Variants in TXK observed in about 807,000 individuals in gnomAD.
TXK encodes the protein tyrosine-protein kinase TXK.
In TXK, 60 loss-of-function variants were observed where a neutral mutation model predicts 81.0. The ratio of observed to expected loss-of-function variants is 0.74; its 90% CI spans 0.60 to 0.92. The LOEUF is 0.92. TXK is among the 40% of genes least tolerant of loss of function. TXK has a pLI of 0.00. For synonymous variants in TXK, 203 were observed against 210.7 expected (o/e 0.96, Z 0.32); for missense variants, 581 against 638.3 (o/e 0.91, Z 0.97).
chr4:48,120,244 T>C (rs1238263118), intron 1 of TXK, among the ~76,000 whole-genome samples: 1 of 143,364 alleles, frequency 7.0e-6, no homozygotes, highest in East Asian at 2.0e-4. Context: ...TGTATATACG[T>C]ATATGTGTAT....
intron 5 of TXK, among the ~76,000 whole-genome samples, chr4:48,106,556 A>G (rs2109460747): frequency 6.6e-6 from 1 of 152,218 alleles, no homozygotes; most frequent in African/African-American, 2.4e-5. Context: ...GTGAGTAGAA[A>G]CATCCTGTAT....
chr4:48,079,717 C>T (rs1268282651), intron 11 of TXK, among the ~76,000 whole-genome samples, 195 bp downstream of exon 11: 1 of 152,098 alleles, frequency 6.6e-6, no homozygotes, highest in Non-Finnish European at 1.5e-5. Context: ...GCAAGGTGAA[C>T]CCATTCGGCC....
chr4:48,124,135 G>GC (rs1196636214), intron 1 of TXK, among the ~76,000 whole-genome samples: 1 of 152,186 alleles, frequency 6.6e-6, no homozygotes, highest in African/African-American at 2.4e-5. Flanking sequence ...CTCTCACAGG[G>GC]CTTCCCAATC....
chr4:48,132,058 TACA>T (rs1719259235), intron 1 of TXK, among the ~76,000 whole-genome samples: 1 of 151,406 alleles, frequency 6.6e-6, no homozygotes, highest in African/African-American at 2.4e-5. Context: ...TTTTTTTTTT[TACA>T]AAATCTACAA....
chr4:48,114,482 C>G, intron 1 of TXK, 80 bp from the exon 2 acceptor site: 5 of 1,398,382 alleles, frequency 3.6e-6, no homozygotes, highest in South Asian at 1.2e-5. Flanking sequence ...AAGGGTGAGA[C>G]GAATTATTAT....
At chr4:48,071,787 T>A in intron 13 of TXK, 113 bp from the exon 14 acceptor site, 2 of 1,226,430 alleles carry the variant, frequency 1.6e-6, no homozygotes, top group Admixed American at 2.3e-5. Flanking sequence ...CTTTGGGCTA[T>A]AACCATCCTG....
intron 11 of TXK, 57 bp downstream of exon 11, chr4:48,079,855 A>G: frequency 1.7e-6 from 2 of 1,188,194 alleles, no homozygotes; most frequent in Non-Finnish European, 2.5e-6. Context: ...TAATTGTCAC[A>G]TCCTTCTGAA....
At chr4:48,078,355 T>C (rs73244481) in intron 11 of TXK, among the ~76,000 whole-genome samples, 113 of 152,278 alleles carry the variant, frequency 7.4e-4, no homozygotes, top group Non-Finnish European at 1.1e-3. Context: ...TATGCTCCCT[T>C]TTTCTCCCCA....
At chr4:48,081,313 C>T (rs1175075970) in intron 10 of TXK, among the ~76,000 whole-genome samples, 1 of 152,074 alleles carries the variant, frequency 6.6e-6, no homozygotes, top group Non-Finnish European at 1.5e-5. Context: ...TTATCAAGAT[C>T]ACTGGTAAAA....
At chr4:48,114,537 G>T in intron 1 of TXK, 135 bp from the exon 2 acceptor site, 1 of 872,054 alleles carries the variant, frequency 1.1e-6, no homozygotes, top group Non-Finnish European at 1.8e-6. Flanking sequence ...ACTAGTGGAA[G>T]ACAAATAACT....
chr4:48,073,658 T>C (rs574367571), intron 13 of TXK, among the ~76,000 whole-genome samples: 1 of 152,330 alleles, frequency 6.6e-6, no homozygotes, highest in South Asian at 2.1e-4. Context: ...GGAAAACTTA[T>C]CTGAGTTTGT....
At chr4:48,095,018 G>T in intron 7 of TXK, 125 bp downstream of exon 7, 1 of 744,156 alleles carries the variant, frequency 1.3e-6, no homozygotes, top group Non-Finnish European at 2.4e-6. Context: ...ATCACGGACT[G>T]GTTGGTTTTT....
At chr4:48,122,004 T>C (rs11939959) in intron 1 of TXK, among the ~76,000 whole-genome samples, 3,336 of 152,264 alleles carry the variant, frequency 0.022, 114 homozygotes, top group African/African-American at 0.076. Flanking sequence ...CCCCATCTCA[T>C]CCATCACCAC....
chr4:48,128,366 GGCT>G, intron 1 of TXK, among the ~76,000 whole-genome samples: 1 of 152,078 alleles, frequency 6.6e-6, no homozygotes, highest in Non-Finnish European at 1.5e-5. Flanking sequence ...GTCTGATACC[GGCT>G]GCTTTTGCAG....
At chr4:48,091,750 C>T (rs1717785086) in intron 8 of TXK, among the ~76,000 whole-genome samples, 2 of 152,108 alleles carry the variant, frequency 1.3e-5, no homozygotes, top group African/African-American at 4.8e-5. Flanking sequence ...GGTGATCCAC[C>T]CACCTTGGCC....
chr4:48,127,150 C>T (rs781094732), intron 1 of TXK, among the ~76,000 whole-genome samples: 6 of 152,196 alleles, frequency 3.9e-5, no homozygotes, highest in African/African-American at 9.7e-5. Flanking sequence ...TGGTTCCATC[C>T]TCTGCCCAGC....
At chr4:48,069,250 T>C (rs1260987464) in intron 14 of TXK, among the ~76,000 whole-genome samples, 1 of 152,018 alleles carries the variant, frequency 6.6e-6, no homozygotes, top group Non-Finnish European at 1.5e-5. Context: ...TGCAGTGAGA[T>C]GTGATTGTGC....
At chr4:48,134,021 A>C (rs1719314036) in intron 1 of TXK, 134 bp downstream of exon 1, 2 of 922,454 alleles carry the variant, frequency 2.2e-6, no homozygotes, top group East Asian at 5.3e-5. Flanking sequence ...AAACTCTGTC[A>C]CAACATCTGA....
At chr4:48,106,007 G>C (rs1451504790) in intron 5 of TXK, 1 of 152,074 alleles carries the variant, frequency 6.6e-6, no homozygotes, top group African/African-American at 2.4e-5. Context: ...GTACAGGAAG[G>C]AGAAAGAAAA....
Sources: allele counts gnomAD v4.1 joint callset (sites outside exome capture counted in the v4.1 genomes callset), GRCh38; gene constraint gnomAD v4.1.1; transcripts MANE v1.5; gene names NCBI Gene and HGNC (gene_info 2026-07-23, HGNC 2026-07-21).